CNTNAP2: variants seen among roughly 807,000 people sequenced by gnomAD.
CNTNAP2 encodes the protein contactin-associated protein-like 2.
A neutral mutation model predicts 155.2 loss-of-function variants in CNTNAP2; 98 were observed. The ratio of observed to expected loss-of-function variants is 0.63; its 90% CI spans 0.54 to 0.75. CNTNAP2 has a LOEUF of 0.75. CNTNAP2 is among the 30% of genes least tolerant of loss of function. CNTNAP2 has a pLI of 0.00. For missense variants in CNTNAP2, 1,727 were observed against 1,688.1 expected (o/e 1.02, Z -0.40); for synonymous variants, 651 against 631.2 (o/e 1.03, Z -0.47).
intron 6 of CNTNAP2, among the ~76,000 whole-genome samples, chr7:147,126,616 G>A (rs1373210313): frequency 2.0e-5 from 3 of 152,216 alleles, no homozygotes; most frequent in African/African-American, 7.2e-5. Context: ...TGGGATTACA[G>A]GCATGCACCA....
At chr7:147,085,560 C>T (rs1800257808) in intron 4 of CNTNAP2, 1 of 152,248 alleles carries the variant, frequency 6.6e-6, no homozygotes, top group Non-Finnish European at 1.5e-5. Context: ...TCCCAAAACA[C>T]TGGCCCTGGT....
At chr7:148,095,072 G>A (rs1417969027) in intron 15 of CNTNAP2, among the ~76,000 whole-genome samples, 1 of 152,172 alleles carries the variant, frequency 6.6e-6, no homozygotes, top group East Asian at 1.9e-4. Context: ...ATGAGCTTGA[G>A]TCAACAAGCA....
Position 146,414,950 on chromosome 7 carries a change from G to A in CNTNAP2, c.97+297977G>A, listed in dbSNP as rs111879337. On this transcript the variant is annotated intron_variant, in intron 1 of 23. Transcript: ENST00000361727. ...TGGGGGGAATAGGGTGGAAAAAAAGGAGTGTTATTTGCAAATATTTCAAAG... is the reference window on the plus strand; with the variant it reads ...TGGGGGGAATAGGGTGGAAAAAAAGAAGTGTTATTTGCAAATATTTCAAAG... Among the ~76,000 whole-genome samples the A allele has an allele frequency of 4.7e-3, 710 of 152,298 alleles. 2 individuals carry two copies. The highest frequency in any genetic ancestry group is 0.014 in the Middle Eastern group (4 of 294).
chr7:146,499,247 A>G (rs2129132810), intron 1 of CNTNAP2, among the ~76,000 whole-genome samples: 1 of 152,248 alleles, frequency 6.6e-6, no homozygotes, highest in East Asian at 1.9e-4. Flanking sequence ...CAGTGGCGCC[A>G]TCTTGGCTCA....
chr7:147,238,514 G>A (rs1803865697), intron 8 of CNTNAP2, among the ~76,000 whole-genome samples: 1 of 151,832 alleles, frequency 6.6e-6, no homozygotes, highest in South Asian at 2.1e-4. Flanking sequence ...GTTTAGTGAT[G>A]GTTTCAATGG....
chr7:147,001,412 T>TA (rs1798419294), intron 3 of CNTNAP2, among the ~76,000 whole-genome samples: 1 of 152,048 alleles, frequency 6.6e-6, no homozygotes, highest in African/African-American at 2.4e-5. Context: ...TTAATTATTT[T>TA]ACAGATGAGT....
chr7:146,394,036 T>C (rs1795584532), intron 1 of CNTNAP2, among the ~76,000 whole-genome samples: 1 of 152,160 alleles, frequency 6.6e-6, no homozygotes, highest in Non-Finnish European at 1.5e-5. Context: ...AGGCTGCTTG[T>C]TGTCGCTTTA....
intron 13 of CNTNAP2, among the ~76,000 whole-genome samples, chr7:147,663,924 C>G (rs763844647): frequency 1.3e-5 from 2 of 152,110 alleles, no homozygotes; most frequent in Admixed American, 6.5e-5. Context: ...ATTCTTTGTA[C>G]CAACATTTGC....
chr7:146,930,841 G>A (rs560621362), intron 3 of CNTNAP2, among the ~76,000 whole-genome samples: 1 of 152,104 alleles, frequency 6.6e-6, no homozygotes, highest in East Asian at 1.9e-4. Context: ...GACAAAGAAG[G>A]CCATTACATA....
intron 12 of CNTNAP2, among the ~76,000 whole-genome samples, chr7:147,571,910 G>C (rs1800301847): frequency 6.6e-6 from 1 of 152,120 alleles, no homozygotes; most frequent in Admixed American, 6.6e-5. Context: ...TCAGAGAATA[G>C]CTGTCCTTTA....
At chr7:146,890,452 A>G (rs1451112913) in intron 3 of CNTNAP2, among the ~76,000 whole-genome samples, 2 of 152,138 alleles carry the variant, frequency 1.3e-5, no homozygotes, top group African/African-American at 4.8e-5. Context: ...ACATGGCACC[A>G]CTTTTTAAAA....
intron 1 of CNTNAP2, among the ~76,000 whole-genome samples, chr7:146,129,058 C>T (rs2116732205): frequency 6.6e-6 from 1 of 152,230 alleles, no homozygotes; most frequent in East Asian, 1.9e-4. Context: ...ATTATCTACT[C>T]TTTGCCCAAA....
intron 2 of CNTNAP2, among the ~76,000 whole-genome samples, chr7:146,786,330 G>A (rs998047228): frequency 1.2e-4 from 19 of 152,054 alleles, no homozygotes; most frequent in African/African-American, 1.2e-4. Context: ...GTTAGCAACC[G>A]GCTCAGGTCA....
rs1416349643 is a variant in CNTNAP2, at chr7:147,557,005, TGGGAGGCTGAGGCAGGCGGGGGTC to T, written c.1778-5108_1778-5085del. 3.3e-4 allele frequency among the ~76,000 whole-genome samples: 50 copies of T among 152,024 alleles called. No homozygotes were observed. In the South Asian group the frequency reaches 4.2e-3, roughly 13 times the overall value. On this transcript the variant is annotated intron_variant, in intron 11 of 23. Transcript: ENST00000361727. ...GCTCACACCTGTAATCCCAGCACTT[TGGGAGGCTGAGGCAGGCGGGGGTC>T]GGGAGGCTGAGGCAGGCGGGGGTCA...
chr7:146,741,415 G>A (rs937362806), intron 1 of CNTNAP2, among the ~76,000 whole-genome samples: 2 of 152,090 alleles, frequency 1.3e-5, no homozygotes, highest in African/African-American at 4.8e-5. Flanking sequence ...GCAAAGATGG[G>A]TGCCTAGACA....
intron 3 of CNTNAP2, among the ~76,000 whole-genome samples, chr7:146,877,326 A>AC (rs11338797): frequency 4.0e-5 from 6 of 151,346 alleles, no homozygotes; most frequent in South Asian, 2.1e-4. Flanking sequence ...ACATAGTGAG[A>AC]CCCCCCCATC....
At chr7:147,271,572 A>G (rs954735092) in intron 8 of CNTNAP2, among the ~76,000 whole-genome samples, 4 of 152,198 alleles carry the variant, frequency 2.6e-5, no homozygotes, top group Admixed American at 1.3e-4. Flanking sequence ...GGCTTAATGG[A>G]CTTATAGTTC....
intron 11 of CNTNAP2, among the ~76,000 whole-genome samples, chr7:147,546,245 T>A (rs1476358281): frequency 2.0e-5 from 3 of 152,184 alleles, no homozygotes; most frequent in Non-Finnish European, 4.4e-5. Context: ...AGAACACTAC[T>A]GTAAAATTCT....
chr7:147,827,230 A>G (rs975117075), intron 13 of CNTNAP2, among the ~76,000 whole-genome samples: 2 of 152,162 alleles, frequency 1.3e-5, no homozygotes, highest in African/African-American at 4.8e-5. Flanking sequence ...AAAATATCCT[A>G]GGCCAAAAGT....
Sources: allele counts gnomAD v4.1 joint callset (sites outside exome capture counted in the v4.1 genomes callset), GRCh38; gene constraint gnomAD v4.1.1; transcripts MANE v1.5; gene names NCBI Gene and HGNC (gene_info 2026-07-23, HGNC 2026-07-21).